KCND3: variants seen among roughly 807,000 people sequenced by gnomAD.
The protein encoded by KCND3 is A-type voltage-gated potassium channel KCND3.
KCND3 carries 9 observed loss-of-function variants against 51.1 expected under a neutral mutation model. The observed-to-expected ratio is 0.18, with a 90% CI of 0.11 to 0.31. The LOEUF is 0.31. Ranked by LOEUF, KCND3 falls within the 10% of genes least tolerant of loss-of-function variation. KCND3 has a pLI of 1.00. For synonymous variants in KCND3, 349 were observed against 368.0 expected (o/e 0.95, Z 0.59); for missense variants, 526 against 903.8 (o/e 0.58, Z 5.36).
chr1:111,908,905 TG>T (rs1425222953), intron 2 of KCND3, among the ~76,000 whole-genome samples: 1 of 148,360 alleles, frequency 6.7e-6, no homozygotes, highest in Non-Finnish European at 1.5e-5. Context: ...CCCATCTCGG[TG>T]GCTAAGTTCT....
At chr1:111,935,480 C>G (rs1371638891) in intron 2 of KCND3, among the ~76,000 whole-genome samples, 1 of 146,026 alleles carries the variant, frequency 6.8e-6, no homozygotes, top group Non-Finnish European at 1.6e-5. Context: ...ATTATAATTG[C>G]CCAGAGAGGA....
At chr1:111,871,092 A>T (rs949566773) in intron 2 of KCND3, among the ~76,000 whole-genome samples, 1 of 152,126 alleles carries the variant, frequency 6.6e-6, no homozygotes, top group Non-Finnish European at 1.5e-5. Context: ...GCACATTGAG[A>T]TATCAGAGGG....
At chr1:111,813,013 AGTG>A (rs1188471563) in intron 2 of KCND3, among the ~76,000 whole-genome samples, 1 of 152,126 alleles carries the variant, frequency 6.6e-6, no homozygotes, top group African/African-American at 2.4e-5. Context: ...AGTGGGCAGG[AGTG>A]GGGTGCTCCC....
rs753538536 is a variant in KCND3 at position 111,777,139 on chromosome 1, A to G, written c.1653T>C (p.Ser551=). 1 of 1,614,198 alleles carries G rather than the reference A, an allele frequency of 6.2e-7. No homozygotes were observed. Residue 551 remains serine, a synonymous_variant, in exon 7 of 8, where the codon AGT becomes AGC. Transcript: ENST00000302127. The part of the protein sequence containing the change: ...GLTTTCCSRR[S]KKTTHLPNSN... ...AATTGGGCAGGTGTGTGGTCTTCTT[A>G]CTACGACGGGAGCAGCAGGTGGTAG...
In KCND3 at chr1:111,775,804, C is replaced by A. The variant is rs981176894; in HGVS notation, c.*273G>T. 5.9e-5 allele frequency: 24 copies of A among 407,102 alleles called. No individual in the cohort carries two copies. The highest frequency in any genetic ancestry group is 4.3e-4 in the African/African-American group (21 of 48,668). 25.2% of individuals were successfully genotyped at this position (407,102 alleles called of 1,614,324 possible). A position where few individuals can be genotyped will look rare whatever the true frequency, so the allele number is the denominator to read the frequency against. On this transcript the variant is annotated 3_prime_UTR_variant, in exon 8 of 8. Transcript: ENST00000302127. ...CTGTCCTGGCACATAGCCTATATCC[C>A]CCGGCCTATCCCCGACCCCCCCACC...
At chr1:111,973,602 A>G (rs1306116538) in intron 2 of KCND3, among the ~76,000 whole-genome samples, 2 of 152,220 alleles carry the variant, frequency 1.3e-5, no homozygotes, top group Admixed American at 6.5e-5. Flanking sequence ...GTAGGGGGGA[A>G]GTTCCCCTTT....
At position 111,778,615 on chromosome 1, in the gene KCND3, A is replaced by C. The variant is rs72548734; in HGVS notation, c.1462-123T>G. 5.0e-3 allele frequency: 4,553 copies of C among 914,760 alleles called. 40 individuals carry two copies. The highest frequency in any genetic ancestry group is 7.5e-3 in the Admixed American group (387 of 51,844). 56.7% of individuals were successfully genotyped at this position (914,760 alleles called of 1,614,324 possible). Reference sequence around the variant, plus strand: ...TTCCACCCTTTGAGTCAAACATTCCACCCCTCATTCCCAGCATTCTGCCCC... The same window carrying C: ...TTCCACCCTTTGAGTCAAACATTCCCCCCCTCATTCCCAGCATTCTGCCCC... On this transcript the variant is annotated intron_variant, in intron 5 of 7. Transcript: ENST00000302127.
chr1:111,928,870 G>A (rs1671831586), intron 2 of KCND3, among the ~76,000 whole-genome samples: 1 of 152,130 alleles, frequency 6.6e-6, no homozygotes, highest in African/African-American at 2.4e-5. Flanking sequence ...GGATGAAAAG[G>A]CCACACAGCC....
At chr1:111,898,292 C>T (rs1032179537) in intron 2 of KCND3, among the ~76,000 whole-genome samples, 5 of 152,210 alleles carry the variant, frequency 3.3e-5, no homozygotes, top group African/African-American at 4.8e-5. Context: ...TTTTAAAATG[C>T]CCATCACCTG....
At chr1:111,835,624 C>T (rs1667033248) in intron 2 of KCND3, among the ~76,000 whole-genome samples, 1 of 152,172 alleles carries the variant, frequency 6.6e-6, no homozygotes, top group Non-Finnish European at 1.5e-5. Flanking sequence ...TACTAAAAGA[C>T]ACTCCCACCA....
intron 2 of KCND3, among the ~76,000 whole-genome samples, chr1:111,951,894 T>G (rs536428565): frequency 6.6e-6 from 1 of 151,764 alleles, no homozygotes; most frequent in Non-Finnish European, 1.5e-5. Flanking sequence ...CAGCAGAGGG[T>G]CTAAGAAAAA....
chr1:111,934,186 G>C (rs541781015), intron 2 of KCND3, among the ~76,000 whole-genome samples: 1 of 152,258 alleles, frequency 6.6e-6, no homozygotes, highest in Admixed American at 6.5e-5. Context: ...GGAGGTGGGA[G>C]GCAGGGTTGG....
At chr1:111,948,555 C>T (rs1672904062) in intron 2 of KCND3, among the ~76,000 whole-genome samples, 1 of 152,098 alleles carries the variant, frequency 6.6e-6, no homozygotes, top group Non-Finnish European at 1.5e-5. Context: ...ACTTTTTTCC[C>T]CCTGGGTTGG....
At position 111,836,407 on chromosome 1, in the gene KCND3, C is replaced by A. The variant is rs549282210; in HGVS notation, c.1107-49301G>T. ...TGATTTTCTCTGGGCTCCGACTTTA[C>A]AAAGAATCTTCTCAACTGGCAAGAT... On this transcript the variant is annotated intron_variant, in intron 2 of 7. Coordinates refer to ENST00000302127, the MANE Select transcript of KCND3 (RefSeq NM_001378969.1). Among the ~76,000 whole-genome samples, 4 of 152,338 alleles carry A rather than the reference C, an allele frequency of 2.6e-5. No individual in the cohort carries two copies. The East Asian group carries it at 7.7e-4, about 29-fold the overall frequency.
At chr1:111,955,120 A>G (rs6699612) in intron 2 of KCND3, among the ~76,000 whole-genome samples, 17,001 of 152,264 alleles carry the variant, frequency 0.11, 1,175 homozygotes, top group East Asian at 0.29. Flanking sequence ...TTTCAAGTCC[A>G]ACCCTATATC....
At chr1:111,823,159 AG>A (rs1666423714) in intron 2 of KCND3, among the ~76,000 whole-genome samples, 2 of 152,106 alleles carry the variant, frequency 1.3e-5, no homozygotes, top group South Asian at 4.1e-4. Context: ...TGAGATTCTG[AG>A]GAATGTCCTG....
intron 2 of KCND3, among the ~76,000 whole-genome samples, chr1:111,802,128 G>C (rs1175251335): frequency 6.6e-6 from 1 of 152,250 alleles, no homozygotes; most frequent in African/African-American, 2.4e-5. Context: ...AGCATTTCAT[G>C]ATCTGTGCAG....
chr1:111,856,383 T>C (rs1169918305), intron 2 of KCND3, among the ~76,000 whole-genome samples: 1 of 152,250 alleles, frequency 6.6e-6, no homozygotes, highest in Non-Finnish European at 1.5e-5. Context: ...ACAGGGCGAC[T>C]GTGATCATTA....
intron 2 of KCND3, among the ~76,000 whole-genome samples, chr1:111,842,172 C>A (rs766699969): frequency 2.0e-5 from 3 of 152,120 alleles, no homozygotes; most frequent in African/African-American, 7.2e-5. Context: ...TTGATAAACA[C>A]GGCATTCGCA....
Sources: gnomAD v4.1 joint callset for allele counts (sites outside exome capture counted in the v4.1 genomes callset) on GRCh38, gnomAD v4.1.1 for gene constraint, MANE v1.5 for transcripts, NCBI Gene and HGNC (gene_info 2026-07-23, HGNC 2026-07-21) for gene names.